Variants in SEZ6 observed in about 807,000 individuals in gnomAD.
SEZ6 encodes seizure related 6 homolog.
A neutral mutation model predicts 101.0 loss-of-function variants in SEZ6; 53 were observed. The observed-to-expected ratio is 0.52, with a 90% confidence interval of 0.42 to 0.66. SEZ6 has a LOEUF of 0.66. Ranked by LOEUF, SEZ6 falls within the 30% of genes least tolerant of loss-of-function variation. The pLI is 0.00. For missense variants in SEZ6, 1,102 were observed against 1,289.4 expected (o/e 0.85, Z 2.23); for synonymous variants, 488 against 512.2 (o/e 0.95, Z 0.64).
At chr17:28,965,307 G>A (rs1236663758) in intron 4 of SEZ6, among the ~76,000 whole-genome samples, 3 of 152,128 alleles carry the variant, frequency 2.0e-5, no homozygotes, top group African/African-American at 2.4e-5. Flanking sequence ...AGCCGAGATC[G>A]TGCCATTGCG....
chr17:28,993,588 G>A (rs1389361500), intron 1 of SEZ6, among the ~76,000 whole-genome samples: 3 of 152,348 alleles, frequency 2.0e-5, no homozygotes, highest in South Asian at 4.1e-4. Context: ...GCCCAGTGCA[G>A]TGGTGAAGTT....
rs976656478 is a variant in SEZ6 at position 28,981,891 on chromosome 17, G to A, written c.204C>T (p.Asn68=). 11 of 1,613,850 alleles carry A rather than the reference G, an allele frequency of 6.8e-6. No individual in the cohort carries two copies. The highest frequency in any genetic ancestry group is 1.3e-5 in the African/African-American group (1 of 74,914). ...GGAATTCCTCAAGCAGCGGGTGGTG[G>A]TTGAGCAGCTTCAAGGTGGGGGCTG... is the stretch of plus-strand genomic sequence containing the variant. ...VTTAPTLKLL[N]HHPLLEEFLQ... is the part of the protein sequence containing the mutation. Residue 68 remains asparagine, a synonymous_variant, in exon 2 of 17, where the codon AAC becomes AAT. Transcript: ENST00000317338.
chr17:29,002,680 G>C (rs1880855471), intron 1 of SEZ6, among the ~76,000 whole-genome samples: 1 of 152,104 alleles, frequency 6.6e-6, no homozygotes. Context: ...CGAAGTGCCA[G>C]GCTGGGGACA....
At chr17:28,961,258 G>A (rs1458960957) in intron 5 of SEZ6, among the ~76,000 whole-genome samples, 1 of 152,100 alleles carries the variant, frequency 6.6e-6, no homozygotes, top group African/African-American at 2.4e-5. Context: ...GCCTGGTTGT[G>A]TGCCCAGGTA....
At chr17:28,997,013 G>T (rs1302090441) in intron 1 of SEZ6, among the ~76,000 whole-genome samples, 1 of 152,120 alleles carries the variant, frequency 6.6e-6, no homozygotes, top group Non-Finnish European at 1.5e-5. Flanking sequence ...CAGAGTTAGG[G>T]CACCAACAAG....
intron 1 of SEZ6, 86 bp from the exon 2 acceptor site, chr17:28,982,125 C>G (rs1320821129): frequency 4.3e-5 from 63 of 1,459,758 alleles, no homozygotes; most frequent in Non-Finnish European, 5.2e-5. Context: ...GGGGCCCGCT[C>G]TCTTTTGACA....
At chr17:28,990,949 A>G (rs2041449088) in intron 1 of SEZ6, among the ~76,000 whole-genome samples, 1 of 152,196 alleles carries the variant, frequency 6.6e-6, no homozygotes, top group Non-Finnish European at 1.5e-5. Flanking sequence ...TCTGTCACTC[A>G]GGCTGGAGTG....
In SEZ6 at chr17:28,957,048, C is replaced by T. The variant is rs1460124338; in HGVS notation, c.2689G>A (p.Ala897Thr). ...HWSDPPPICR[A>T]ASLDGFYNSR... The stretch of plus-strand genomic sequence containing the variant: ...TGAGGGGTGACAGGGCACTCACCAG[C>T]CCTACAGATGGGTGGGGGGTCACTC... Residue 897 changes from alanine (A) to threonine (T), a missense_variant, in exon 13 of 17, where the codon GCT becomes ACT. Physicochemically the swap from Ala to Thr is moderately conservative, Grantham distance 58. Transcript: ENST00000317338. 1 of 1,587,740 alleles carries T rather than the reference C, an allele frequency of 6.3e-7. No homozygotes were observed. Among genetic ancestry groups the T allele is most frequent in the Non-Finnish European group, 8.6e-7 (1 of 1,163,900 alleles).
intron 1 of SEZ6, among the ~76,000 whole-genome samples, chr17:28,986,400 C>G (rs1416968762): frequency 3.9e-5 from 6 of 152,226 alleles, no homozygotes; most frequent in Non-Finnish European, 7.4e-5. Context: ...TGCGCCCCAG[C>G]CCCACCAGAT....
chr17:28,956,979 T>C, intron 13 of SEZ6, 66 bp downstream of exon 13: 2 of 1,478,976 alleles, frequency 1.4e-6, no homozygotes, highest in Non-Finnish European at 1.8e-6. Context: ...GTTCTAAACA[T>C]TGGACATCTT....
At chr17:28,985,304 GC>G in intron 1 of SEZ6, among the ~76,000 whole-genome samples, 1 of 152,210 alleles carries the variant, frequency 6.6e-6, no homozygotes, top group Non-Finnish European at 1.5e-5. Flanking sequence ...CTTGGGTTGG[GC>G]CCTGGTCGAG....
rs924155593 is a variant in SEZ6 at position 28,955,535 on chromosome 17, T to A, written c.*427A>T. On this transcript the variant is annotated 3_prime_UTR_variant, in exon 17 of 17. Coordinates refer to ENST00000317338, the MANE Select transcript of SEZ6 (RefSeq NM_178860.5). ...CCATTGGTGATGGCGCTGTGAGGAG[T>A]ACCCTGGTGCAGTTCCCACCATGGT... 9.3e-6 allele frequency: 4 copies of A among 430,340 alleles called. No individual in the cohort carries two copies. Among genetic ancestry groups the A allele is most frequent in the East Asian group, 6.9e-5 (1 of 14,492 alleles). 26.7% of individuals were successfully genotyped at this position (430,340 alleles called of 1,614,324 possible).
chr17:28,983,903 G>A (rs988203062), intron 1 of SEZ6, among the ~76,000 whole-genome samples: 4 of 151,886 alleles, frequency 2.6e-5, no homozygotes, highest in Admixed American at 6.6e-5. Flanking sequence ...GATGGCCTAC[G>A]TTCTGTTCAG....
At position 28,957,939 on chromosome 17, in the gene SEZ6, A is replaced by G; in HGVS notation, c.2302+8T>C. On this transcript the variant is annotated splice_region_variant and intron_variant, in intron 11 of 16. Transcript: ENST00000317338. ...GGGAAGGGGAGCGTGGGGAACAGGT[A>G]TACTCACCCCTCTGGCATGAGGGCA... 6.2e-7 allele frequency: 1 copy of G among 1,611,990 alleles called. No individual in the cohort carries two copies. The highest frequency in any genetic ancestry group is 8.5e-7 in the Non-Finnish European group (1 of 1,178,332).
At chr17:28,984,047 C>T (rs1275635225) in intron 1 of SEZ6, among the ~76,000 whole-genome samples, 3 of 152,210 alleles carry the variant, frequency 2.0e-5, no homozygotes, top group Non-Finnish European at 4.4e-5. Flanking sequence ...CCCTGAGAAA[C>T]CAGGACCAAC....
chr17:28,978,153 G>A (rs1430233073), intron 3 of SEZ6, among the ~76,000 whole-genome samples: 2 of 152,200 alleles, frequency 1.3e-5, no homozygotes, highest in Admixed American at 1.3e-4. Context: ...TGGAATGGGC[G>A]GGAAGCAGAA....
intron 3 of SEZ6, among the ~76,000 whole-genome samples, chr17:28,976,925 T>C (rs1320073230): frequency 6.6e-6 from 1 of 152,176 alleles, no homozygotes; most frequent in Admixed American, 6.5e-5. Context: ...CGTCCTGTGC[T>C]TCCCATCCCC....
chr17:28,959,644 C>G lies in SEZ6; in HGVS notation c.1771+54G>C, dbSNP rs2277664. On this transcript the variant is annotated intron_variant, in intron 8 of 16. Coordinates refer to ENST00000317338, the MANE Select transcript of SEZ6 (RefSeq NM_178860.5). This position sits in a 1 kb window ranked among gnomAD's most constrained non-coding sequence, Gnocchi z 4.4. ...TGGCCCCGGGCTCTGCTGCTATTCT[C>G]CTGGTATGACCCTGCCTTTTGCCCG... is the stretch of plus-strand genomic sequence containing the variant. 0.13 allele frequency: 204,818 copies of G among 1,538,100 alleles called. 14,962 individuals carry two copies. The highest frequency in any genetic ancestry group is 0.27 in the South Asian group (21,207 of 79,698).
At chr17:28,992,342 G>A (rs1016394718) in intron 1 of SEZ6, among the ~76,000 whole-genome samples, 4 of 152,268 alleles carry the variant, frequency 2.6e-5, no homozygotes, top group East Asian at 1.9e-4. Context: ...CTGCTGCTTC[G>A]TGTGAGCATG....
Sources: allele counts gnomAD v4.1 joint callset (sites outside exome capture counted in the v4.1 genomes callset), GRCh38; gene constraint gnomAD v4.1.1; non-coding constraint Gnocchi (gnomAD v3.1); transcripts MANE v1.5; gene names NCBI Gene and HGNC (gene_info 2026-07-23, HGNC 2026-07-21).